KCNN2: variants seen among roughly 807,000 people sequenced by gnomAD.
KCNN2 encodes the protein potassium calcium-activated channel subfamily N member 2.
KCNN2 carries 24 observed loss-of-function variants against 55.5 expected under a neutral mutation model. The ratio of observed to expected loss-of-function variants is 0.43; its 90% CI spans 0.31 to 0.61. KCNN2 has a LOEUF of 0.61. Ranked by LOEUF, KCNN2 falls within the 20% of genes least tolerant of loss-of-function variation. The pLI, the probability that KCNN2 is intolerant of heterozygous loss-of-function variation, is 0.08. For synonymous variants in KCNN2, 431 were observed against 336.1 expected (o/e 1.28, Z -3.09); for missense variants, 754 against 853.6 (o/e 0.88, Z 1.45).
chr5:114,104,059 C>CT (rs1561477230), intron 1 of KCNN2, among the ~76,000 whole-genome samples: 1 of 151,972 alleles, frequency 6.6e-6, no homozygotes, highest in African/African-American at 2.4e-5. Context: ...TGGTCCTACG[C>CT]TTTTTTTGGT....
At chr5:114,455,521 A>G (rs531881979) in intron 3 of KCNN2, among the ~76,000 whole-genome samples, 1 of 152,306 alleles carries the variant, frequency 6.6e-6, no homozygotes, top group Admixed American at 6.5e-5. Context: ...AATGAGGCCA[A>G]CTAATGACCT....
At chr5:114,136,340 G>A (rs1752173542) in intron 1 of KCNN2, among the ~76,000 whole-genome samples, 1 of 152,164 alleles carries the variant, frequency 6.6e-6, no homozygotes, top group Admixed American at 6.5e-5. Flanking sequence ...TTGCCTGTCT[G>A]CCTTCTGCCA....
intron 2 of KCNN2, among the ~76,000 whole-genome samples, chr5:114,250,709 A>G (rs961847952): frequency 3.3e-5 from 5 of 152,308 alleles, no homozygotes; most frequent in Admixed American, 2.6e-4. Flanking sequence ...TGAAATGCAC[A>G]AGCAAGATTC....
Position 114,202,585 on chromosome 5 carries a change from A to ATT in KCNN2, c.-270-18880_-270-18879dup, listed in dbSNP as rs34199170. Among the ~76,000 whole-genome samples, 635 of 92,092 alleles carry ATT rather than the reference A, an allele frequency of 6.9e-3. 2 individuals carry two copies. Among genetic ancestry groups the ATT allele is most frequent in the African/African-American group, 0.017 (391 of 23,272 alleles). 60.4% of individuals were successfully genotyped at this position (92,092 alleles called of 152,430 possible). A position where few individuals can be genotyped will look rare whatever the true frequency, so the allele number is the denominator to read the frequency against. On this transcript the variant is annotated intron_variant, in intron 1 of 10. Transcript: ENST00000512097. ...TGTGTGTGTATATATATATATATAT[A>ATT]TTTTTTTTTTTTTTTTCCCGAGACA... is the stretch of plus-strand genomic sequence containing the variant.
chr5:114,367,198 C>T (rs1055028641), intron 2 of KCNN2, among the ~76,000 whole-genome samples: 1 of 152,176 alleles, frequency 6.6e-6, no homozygotes, highest in Non-Finnish European at 1.5e-5. Context: ...TGTATTAAAA[C>T]AGTATGATGG....
intron 1 of KCNN2, among the ~76,000 whole-genome samples, chr5:114,150,860 A>G (rs112774003): frequency 0.017 from 2,529 of 152,244 alleles, 28 homozygotes; most frequent in Non-Finnish European, 0.027. Context: ...CATCTCTACT[A>G]AAAATGCAAA....
At chr5:114,279,191 A>G (rs1021165751) in intron 2 of KCNN2, among the ~76,000 whole-genome samples, 9 of 151,926 alleles carry the variant, frequency 5.9e-5, no homozygotes, top group Non-Finnish European at 8.8e-5. Flanking sequence ...TCTCTTTATA[A>G]TTCACATTCA....
chr5:114,315,900 A>G (rs558289786), intron 2 of KCNN2, among the ~76,000 whole-genome samples: 1 of 152,292 alleles, frequency 6.6e-6, no homozygotes, highest in Admixed American at 6.5e-5. Flanking sequence ...TACCTAAGAT[A>G]TGCTGAGATA....
rs528212245 is a variant in KCNN2 at position 114,380,078 on chromosome 5, T to G, written c.1218+16077T>G. Among the ~76,000 whole-genome samples, 4 of 152,190 alleles carry G rather than the reference T, an allele frequency of 2.6e-5. No homozygotes were observed. The South Asian group carries it at 6.2e-4, about 24-fold the overall frequency. ...TAACTCACTTATTTTAGTCCCATCT[T>G]AAGCAACAGTTTCCATGAGATTATG... On this transcript the variant is annotated intron_variant, in intron 2 of 7. Transcript: ENST00000673685.
intron 3 of KCNN2, among the ~76,000 whole-genome samples, chr5:114,419,171 C>G (rs1345313589): frequency 1.3e-5 from 2 of 152,238 alleles, no homozygotes; most frequent in African/African-American, 4.8e-5. Flanking sequence ...GTGTGGTACA[C>G]TAGTTAAAGC....
intron 2 of KCNN2, among the ~76,000 whole-genome samples, chr5:114,376,335 G>A (rs1253612694): frequency 6.6e-6 from 1 of 152,206 alleles, no homozygotes; most frequent in African/African-American, 2.4e-5. Flanking sequence ...GGAACACTCA[G>A]TGGGCCTGCA....
chr5:114,446,850 C>T (rs1011738501), intron 3 of KCNN2, among the ~76,000 whole-genome samples: 5 of 151,642 alleles, frequency 3.3e-5, no homozygotes, highest in East Asian at 1.9e-4. Flanking sequence ...TGCAGTGAGC[C>T]GAGATCACAC....
At chr5:114,191,800 C>A (rs1753455955) in intron 1 of KCNN2, among the ~76,000 whole-genome samples, 1 of 152,104 alleles carries the variant, frequency 6.6e-6, no homozygotes, top group South Asian at 2.1e-4. Flanking sequence ...AAAAGGCAGA[C>A]AATGTATTTC....
At chr5:114,115,316 C>A (rs945860076) in intron 1 of KCNN2, among the ~76,000 whole-genome samples, 2 of 152,010 alleles carry the variant, frequency 1.3e-5, no homozygotes, top group African/African-American at 2.4e-5. Flanking sequence ...GAATACTAAC[C>A]ATTTGTCACC....
chr5:114,108,943 A>C (rs1278767487), intron 1 of KCNN2, among the ~76,000 whole-genome samples: 1 of 152,084 alleles, frequency 6.6e-6, no homozygotes, highest in Admixed American at 6.6e-5. Context: ...AATTTGCCAA[A>C]GAGTTTTCCA....
At chr5:114,105,194 C>T (rs960416643) in intron 1 of KCNN2, among the ~76,000 whole-genome samples, 1 of 152,100 alleles carries the variant, frequency 6.6e-6, no homozygotes, top group East Asian at 1.9e-4. Context: ...TTGCACACCC[C>T]GCAGAGCCTA....
chr5:114,375,578 T>C (rs1454157800), intron 2 of KCNN2, among the ~76,000 whole-genome samples: 2 of 152,168 alleles, frequency 1.3e-5, no homozygotes, highest in Non-Finnish European at 2.9e-5. Flanking sequence ...TATTTAGTTA[T>C]ACATGTCATT....
intron 2 of KCNN2, among the ~76,000 whole-genome samples, chr5:114,343,257 G>A (rs564721353): frequency 6.6e-6 from 1 of 152,312 alleles, no homozygotes; most frequent in East Asian, 1.9e-4. Context: ...CCAAAGGGCT[G>A]TGGTTTGTTC....
rs751773183 is a variant in KCNN2, at chr5:114,362,826, G to C, written c.687G>C (p.Leu229Phe). 2.5e-6 allele frequency: 4 copies of C among 1,599,346 alleles called. 1 individual carries two copies. The South Asian group carries it at 4.4e-5, about 18-fold the overall frequency. The stretch of plus-strand genomic sequence containing the variant: ...GCGTCATGCGGCCGCTCAGCAACTT[G>C]AGCGCGTCCCGCCGGAACCTGCACG... ...NGGVMRPLSNLSASRRNLHEM... is the reference protein window; with the variant it reads ...NGGVMRPLSNFSASRRNLHEM... The change falls in exon 1 of 8, where the codon TTG becomes TTC. Residue 229 changes from leucine to phenylalanine, a missense_variant. Leu to Phe is a conservative substitution (Grantham distance 22). Transcript: ENST00000673685.
Sources: gnomAD v4.1 joint callset for allele counts (sites outside exome capture counted in the v4.1 genomes callset) on GRCh38, gnomAD v4.1.1 for gene constraint, MANE v1.5 for transcripts, NCBI Gene and HGNC (gene_info 2026-07-23, HGNC 2026-07-21) for gene names.